Variants in PCDH15 observed in about 807,000 individuals in gnomAD.
The protein encoded by PCDH15 is protocadherin related 15.
A neutral mutation model predicts 178.5 loss-of-function variants in PCDH15; 129 were observed. That is an observed-to-expected ratio of 0.72 (90% CI 0.63 to 0.84). The LOEUF (loss-of-function observed/expected upper bound fraction) is 0.84, where lower values mean the gene tolerates loss of function less well. Among genes scored for constraint, PCDH15 ranks in the 40% least tolerant of loss-of-function variants. The probability of loss-of-function intolerance (pLI) is 0.00; values close to 1 mark genes in which losing one functional copy is unlikely to be tolerated. For missense variants in PCDH15, 2,230 were observed against 2,099.9 expected (o/e 1.06, Z -1.21); for synonymous variants, 800 against 732.0 (o/e 1.09, Z -1.50).
intron 1 of PCDH15, among the ~76,000 whole-genome samples, chr10:55,317,268 C>A (rs944837955): frequency 3.3e-5 from 5 of 152,114 alleles, no homozygotes; most frequent in Admixed American, 1.3e-4. Flanking sequence ...AGCAATGATT[C>A]AATAAATGCT....
chr10:55,255,466 C>T (rs1564937376), intron 1 of PCDH15, among the ~76,000 whole-genome samples: 2 of 152,058 alleles, frequency 1.3e-5, no homozygotes, highest in South Asian at 2.1e-4. Context: ...GGGTATATAC[C>T]CCGTAATGGA....
intron 28 of PCDH15, among the ~76,000 whole-genome samples, chr10:53,856,262 A>T (rs925518568): frequency 1.3e-5 from 2 of 151,844 alleles, no homozygotes; most frequent in African/African-American, 4.8e-5. Context: ...ATTTAAAATA[A>T]TGGCAGCTAA....
chr10:55,058,515 G>T (rs966248866), intron 2 of PCDH15, among the ~76,000 whole-genome samples: 1 of 151,980 alleles, frequency 6.6e-6, no homozygotes, highest in Non-Finnish European at 1.5e-5. Flanking sequence ...GGCCTATTTA[G>T]TCTACTTTAA....
At chr10:54,802,138 A>C (rs57438445), upstream of PCDH15, among the ~76,000 whole-genome samples, 6,746 of 152,256 alleles carry the variant, frequency 0.044, 443 homozygotes, top group African/African-American at 0.15. Context: ...CACAGACAAA[A>C]GCCCCAGAAC....
chr10:53,836,358 C>A (rs1385039616), intron 29 of PCDH15, among the ~76,000 whole-genome samples: 1 of 152,140 alleles, frequency 6.6e-6, no homozygotes, highest in East Asian at 1.9e-4. Context: ...CATGACCCAC[C>A]TCTTCCTTAT....
At chr10:54,459,121 CAGAGAA>C (rs1444213512) in intron 3 of PCDH15, among the ~76,000 whole-genome samples, 7 of 151,734 alleles carry the variant, frequency 4.6e-5, no homozygotes, top group Non-Finnish European at 8.8e-5. Context: ...GAGAGAGAAA[CAGAGAA>C]AGAGAGAGAG....
intron 10 of PCDH15, among the ~76,000 whole-genome samples, chr10:54,199,411 C>T (rs575843945): frequency 2.6e-5 from 4 of 151,860 alleles, no homozygotes; most frequent in Non-Finnish European, 5.9e-5. Context: ...TTTTAAGAGG[C>T]TACACAGGAA....
intron 2 of PCDH15, among the ~76,000 whole-genome samples, chr10:55,474,776 A>G (rs552142978): frequency 2.0e-5 from 3 of 152,270 alleles, no homozygotes; most frequent in African/African-American, 7.2e-5. Context: ...AGTCCAAATA[A>G]GATTGTTGGA....
chr10:53,871,901 T>C (rs2079891423), intron 26 of PCDH15, among the ~76,000 whole-genome samples: 1 of 151,912 alleles, frequency 6.6e-6, no homozygotes, highest in African/African-American at 2.4e-5. Context: ...TTACAGGCAC[T>C]TTGGGAGGCT....
intron 32 of PCDH15, chr10:53,821,468 T>C: frequency 2.0e-6 from 2 of 1,020,376 alleles, no homozygotes; most frequent in South Asian, 7.6e-5. Flanking sequence ...TCTGCTTTTT[T>C]CTTGGAACAT....
intron 2 of PCDH15, among the ~76,000 whole-genome samples, chr10:55,582,812 T>C (rs1842650229): frequency 6.6e-6 from 1 of 151,680 alleles, no homozygotes; most frequent in South Asian, 2.1e-4. Context: ...TAATGTGATA[T>C]GAACAGAAAG....
At chr10:54,190,928 C>A (rs572852586) in intron 11 of PCDH15, among the ~76,000 whole-genome samples, 4 of 152,060 alleles carry the variant, frequency 2.6e-5, no homozygotes, top group Admixed American at 2.0e-4. Context: ...TGTGTGCTGG[C>A]AAATGGAAGA....
chr10:54,975,759 G>A (rs1170086464), intron 2 of PCDH15, among the ~76,000 whole-genome samples: 2 of 152,100 alleles, frequency 1.3e-5, no homozygotes, highest in African/African-American at 4.8e-5. Context: ...TGAATTGAAA[G>A]TTTAGTATGG....
rs111557597 is a variant in PCDH15 at position 54,772,273 on chromosome 10, C to G, written c.-29+28652G>C. ...TTAATTTAGGAAGAGCCATTAAATGCACGTTCTCAGGCATATTTTCCTACT... is the reference window on the plus strand; with the variant it reads ...TTAATTTAGGAAGAGCCATTAAATGGACGTTCTCAGGCATATTTTCCTACT... On this transcript the variant is annotated intron_variant, in intron 1 of 37. Transcript: ENST00000644397. 4.9e-3 allele frequency among the ~76,000 whole-genome samples: 744 copies of G among 152,248 alleles called. 5 individuals are homozygous for G. The highest frequency in any genetic ancestry group is 0.017 in the African/African-American group (714 of 41,572).
chr10:54,193,904 T>C (rs1017826565), intron 11 of PCDH15, among the ~76,000 whole-genome samples: 2 of 151,938 alleles, frequency 1.3e-5, no homozygotes, highest in Non-Finnish European at 2.9e-5. Context: ...CTTTCTGAAA[T>C]AGGGATAATT....
At chr10:54,378,741 A>G (rs1370132671) in intron 4 of PCDH15, 41 bp downstream of exon 4, 1 of 1,592,306 alleles carries the variant, frequency 6.3e-7, no homozygotes, top group Non-Finnish European at 8.6e-7. Context: ...TTAAATTATA[A>G]TAAACTTATA....
chr10:55,506,328 C>A (rs1840758111), intron 2 of PCDH15: 1 of 151,336 alleles, frequency 6.6e-6, no homozygotes, highest in Non-Finnish European at 1.5e-5. Context: ...CTGGGAAGTA[C>A]CAAGGAAGCT....
intron 1 of PCDH15, among the ~76,000 whole-genome samples, chr10:54,797,646 T>A (rs767314177): frequency 3.3e-5 from 5 of 152,008 alleles, no homozygotes; most frequent in Non-Finnish European, 5.9e-5. Flanking sequence ...TTTGCTGGCT[T>A]CATTTATAAG....
intron 1 of PCDH15, among the ~76,000 whole-genome samples, chr10:55,169,371 G>T (rs577033898): frequency 2.6e-4 from 39 of 152,210 alleles, no homozygotes; most frequent in Admixed American, 5.9e-4. Context: ...TTTAAAAAAT[G>T]TGTTATTCAT....
Sources: gnomAD v4.1 joint callset for allele counts (sites outside exome capture counted in the v4.1 genomes callset) on GRCh38, gnomAD v4.1.1 for gene constraint, MANE v1.5 for transcripts, NCBI Gene and HGNC (gene_info 2026-07-23, HGNC 2026-07-21) for gene names.